Variants in FRY observed in about 807,000 individuals in gnomAD.
The protein encoded by FRY is FRY microtubule binding protein.
In FRY, 128 loss-of-function variants were observed where a neutral mutation model predicts 348.4. The observed-to-expected ratio is 0.37, with a 90% CI of 0.32 to 0.43. The LOEUF (loss-of-function observed/expected upper bound fraction) is 0.43. Ranked by LOEUF, FRY falls within the 20% of genes least tolerant of loss-of-function variation. The probability of loss-of-function intolerance (pLI) is 1.00; values close to 1 mark genes in which losing one functional copy is unlikely to be tolerated. For synonymous variants in FRY, 1,370 were observed against 1,374.7 expected (o/e 1.00, Z 0.08); for missense variants, 2,736 against 3,695.2 (o/e 0.74, Z 6.73).
intron 11 of FRY, among the ~76,000 whole-genome samples, chr13:32,145,555 T>A (rs1880375556): frequency 2.2e-5 from 3 of 135,682 alleles, no homozygotes; most frequent in African/African-American, 8.8e-5. Context: ...TTTTTTTTTT[T>A]GAGACGGAGT....
rs570844947 is a variant in FRY, at chr13:32,082,119, G to A, written c.270+3086G>A. Among the ~76,000 whole-genome samples, 14 of 151,312 alleles carry A rather than the reference G, an allele frequency of 9.3e-5. No homozygotes were observed. In the South Asian group the frequency reaches 2.5e-3, roughly 27 times the overall value. ...AGTTTTATTTTTAAAAGACTAACTC[G>A]GAATTTCACACCCATTAGCTTGTGT... On this transcript the variant is annotated intron_variant, in intron 2 of 60. Coordinates refer to ENST00000542859, the MANE Select transcript of FRY (RefSeq NM_023037.3).
chr13:32,206,381 C>A (rs1593739449), intron 31 of FRY, among the ~76,000 whole-genome samples: 2 of 152,136 alleles, frequency 1.3e-5, no homozygotes, highest in Admixed American at 6.5e-5. Context: ...GTAGAGAGAT[C>A]CCAGAAGAGA....
chr13:32,044,380 T>C (rs947702305), intron 1 of FRY, among the ~76,000 whole-genome samples: 2 of 152,198 alleles, frequency 1.3e-5, no homozygotes, highest in African/African-American at 4.8e-5. Flanking sequence ...ATCGCAATGG[T>C]TAAATAAGAA....
At position 32,239,316 on chromosome 13, in the gene FRY, G is replaced by T. The variant is rs74044949; in HGVS notation, c.6483G>T (p.Gln2161His). The T allele has an allele frequency of 6.2e-7, 1 of 1,610,506 alleles. No homozygotes were observed. Among genetic ancestry groups the T allele is most frequent in the African/African-American group, 1.3e-5 (1 of 74,952 alleles). Residue 2161 changes from glutamine (Q) to histidine (H), a missense_variant, in exon 45 of 61, where the codon CAG (glutamine) becomes CAT (histidine). Physicochemically the swap from Gln to His is conservative, Grantham distance 24. Around this residue, in one of 9 missense-constraint regions of FRY, gnomAD observed 789 missense variants for 996.2 expected, o/e 0.79. Transcript: ENST00000542859. The surrounding 1 kb of genome is among the most constrained non-coding windows in gnomAD (Gnocchi z 4.3). ...QLIQHFENPN[Q>H]FCKDIAERIA... The stretch of plus-strand genomic sequence containing the variant: ...TTCAGCATTTTGAAAATCCCAATCA[G>T]TTCTGTAAGGATATAGCCGAAAGGA...
At chr13:32,066,489 A>G (rs1045815672) in intron 1 of FRY, among the ~76,000 whole-genome samples, 9 of 152,304 alleles carry the variant, frequency 5.9e-5, no homozygotes, top group East Asian at 3.9e-4. Context: ...TCTGACCAAT[A>G]TATTGCCACA....
At chr13:32,172,088 G>C (rs1478399723) in intron 18 of FRY, among the ~76,000 whole-genome samples, 3 of 151,988 alleles carry the variant, frequency 2.0e-5, no homozygotes, top group Non-Finnish European at 4.4e-5. Flanking sequence ...ATGTAGATAG[G>C]ATATGGATGT....
At chr13:32,140,251 A>T (rs17077119) in intron 11 of FRY, among the ~76,000 whole-genome samples, 6,483 of 152,262 alleles carry the variant, frequency 0.043, 212 homozygotes, top group South Asian at 0.14. Context: ...CACGGGCTAC[A>T]CTGAGTTTCC....
intron 11 of FRY, among the ~76,000 whole-genome samples, chr13:32,141,125 A>G (rs190616708): frequency 6.6e-5 from 10 of 152,322 alleles, no homozygotes; most frequent in African/African-American, 2.4e-4. Flanking sequence ...AATAATGCAC[A>G]TAAACTGGAC....
chr13:32,088,477 A>G (rs1000553352), intron 2 of FRY, among the ~76,000 whole-genome samples: 3 of 152,220 alleles, frequency 2.0e-5, no homozygotes, highest in Non-Finnish European at 4.4e-5. Flanking sequence ...AATTCACCCT[A>G]ACCCAGAAAC....
chr13:32,159,354 C>T (rs1254773549), intron 16 of FRY, among the ~76,000 whole-genome samples: 1 of 152,106 alleles, frequency 6.6e-6, no homozygotes, highest in Non-Finnish European at 1.5e-5. Flanking sequence ...ATATTTGAAG[C>T]TGGGCCACCA....
intron 19 of FRY, among the ~76,000 whole-genome samples, chr13:32,174,108 T>A (rs1055612644): frequency 5.3e-5 from 8 of 152,238 alleles, no homozygotes; most frequent in African/African-American, 1.9e-4. Context: ...AAACACTTAT[T>A]GCTATCTTGC....
chr13:32,080,272 A>C (rs909269705), intron 2 of FRY, among the ~76,000 whole-genome samples: 8 of 152,150 alleles, frequency 5.3e-5, no homozygotes, highest in Admixed American at 4.6e-4. Flanking sequence ...TCATGTTTTT[A>C]TGTTTCTGCT....
intron 2 of FRY, among the ~76,000 whole-genome samples, chr13:32,094,116 A>T (rs1195894118): frequency 6.6e-6 from 1 of 152,178 alleles, no homozygotes; most frequent in Non-Finnish European, 1.5e-5. Flanking sequence ...AAACCAGGAT[A>T]TCTGAATGTG....
chr13:32,242,072 G>A (rs1886540217), intron 46 of FRY, among the ~76,000 whole-genome samples: 1 of 152,110 alleles, frequency 6.6e-6, no homozygotes, highest in Admixed American at 6.5e-5. Flanking sequence ...ATCAGGTTAA[G>A]GTAACACAGT....
At chr13:32,093,399 CT>C (rs1238440434) in intron 2 of FRY, among the ~76,000 whole-genome samples, 1 of 151,944 alleles carries the variant, frequency 6.6e-6, no homozygotes, top group Non-Finnish European at 1.5e-5. Flanking sequence ...CTCCATTTCT[CT>C]TTTTTTTACC....
At chr13:32,274,810 C>T (rs1385959201) in intron 55 of FRY, 32 bp from the exon 56 acceptor site, 1 of 1,584,008 alleles carries the variant, frequency 6.3e-7, no homozygotes, top group Non-Finnish European at 8.7e-7. Flanking sequence ...TTTAACTTGA[C>T]CTTTACAAAT....
At chr13:32,293,704 A>G (rs943615937) in intron 59 of FRY, among the ~76,000 whole-genome samples, 5 of 152,198 alleles carry the variant, frequency 3.3e-5, no homozygotes, top group Non-Finnish European at 5.9e-5. Context: ...CTTCGAGGGA[A>G]AATATCTTTT....
intron 35 of FRY, among the ~76,000 whole-genome samples, chr13:32,214,360 A>G (rs1884859883): frequency 6.6e-6 from 1 of 152,234 alleles, no homozygotes; most frequent in African/African-American, 2.4e-5. Context: ...TGCGGCCCAC[A>G]GGCCACATGC....
intron 33 of FRY, 29 bp downstream of exon 33, chr13:32,209,760 A>G: frequency 1.2e-6 from 2 of 1,611,588 alleles, no homozygotes; most frequent in Non-Finnish European, 8.5e-7. Flanking sequence ...TTCAAGAGTG[A>G]TTATTCCTGC....
Sources: gnomAD v4.1 joint callset for allele counts (sites outside exome capture counted in the v4.1 genomes callset) on GRCh38, gnomAD v4.1.1 for gene constraint, gnomAD v4.1.1 regional missense constraint, Gnocchi (gnomAD v3.1) non-coding constraint, MANE v1.5 for transcripts, NCBI Gene and HGNC (gene_info 2026-07-23, HGNC 2026-07-21) for gene names.